ZNF354C: variants seen among roughly 807,000 people sequenced by gnomAD.
ZNF354C encodes the protein zinc finger protein 354C.
Under a neutral mutation model 12.4 loss-of-function variants are expected in ZNF354C, and 7 were observed. That is an observed-to-expected ratio of 0.56 (90% CI 0.32 to 1.06). ZNF354C has a LOEUF of 1.06. Ranked by LOEUF, ZNF354C falls within the 50% of genes least tolerant of loss-of-function variation. ZNF354C has a pLI of 0.04. For missense variants in ZNF354C, 609 were observed against 658.0 expected, an observed-to-expected ratio of 0.93 and a Z score of 0.81; for synonymous variants, 202 against 224.5, an observed-to-expected ratio of 0.90 and a Z score of 0.90.
Position 179,078,723 on chromosome 5 carries a change from A to G in ZNF354C, c.291A>G (p.Arg97=), listed in dbSNP as rs1241544427. 6.2e-7 allele frequency: 1 copy of G among 1,611,314 alleles called. No homozygotes were observed. Among genetic ancestry groups the G allele is most frequent in the African/African-American group, 1.3e-5 (1 of 74,770 alleles). The change falls in exon 5 of 5, where the codon AGA becomes AGG. Residue 97 remains arginine, a synonymous_variant. Transcript: ENST00000315475. Reference sequence around the variant, plus strand: ...TTGAAACAGAAGCATTGCCTCATAGACAGGACATTTTTATAGAAGAAACAT... The same window carrying G: ...TTGAAACAGAAGCATTGCCTCATAGGCAGGACATTTTTATAGAAGAAACAT... ...TWLETEALPH[R]QDIFIEETSQ...
chr5:179,078,097 G>A (rs537844562), intron 4 of ZNF354C, among the ~76,000 whole-genome samples: 8 of 152,120 alleles, frequency 5.3e-5, no homozygotes, highest in South Asian at 2.1e-4. Flanking sequence ...CACCGCGCCC[G>A]GCCTGTCTTC....
chr5:179,060,715 CGTT>C lies in ZNF354C; in HGVS notation c.-55+53_-55+55del, dbSNP rs1424670530. On this transcript the variant is annotated intron_variant, in intron 1 of 4. Transcript: ENST00000315475. The surrounding 1 kb of genome is among the most constrained non-coding windows in gnomAD (Gnocchi z 4.2). Reference sequence around the variant, plus strand: ...TGGGGTGGGGATGCCAGCCTTTTGTCGTTGTTCATTCTGCGATTTTCTTCTGTG... The same window carrying C: ...TGGGGTGGGGATGCCAGCCTTTTGTCGTTCATTCTGCGATTTTCTTCTGTG... 2.0e-5 allele frequency: 3 copies of C among 152,352 alleles called. No homozygotes were observed. The East Asian group carries it at 5.8e-4, about 29-fold the overall frequency. The allele number at this position is 152,352 out of a possible 1,614,324, so 9.4% of individuals were successfully genotyped here. A position where few individuals can be genotyped will look rare whatever the true frequency, so the allele number is the denominator to read the frequency against.
rs1453810727 is a variant in ZNF354C at position 179,082,535 on chromosome 5, G to C, written c.*2438G>C. On this transcript the variant is annotated 3_prime_UTR_variant, in exon 5 of 5. Coordinates refer to ENST00000315475, the MANE Select transcript of ZNF354C (RefSeq NM_014594.3). ...TTTTTAAACATAACACGAGGAAGCT[G>C]TTAAAACTGGTGTAATAGCTCAAAA... 7 of 701,834 alleles carry C rather than the reference G, an allele frequency of 1.0e-5. No individual in the cohort carries two copies. In the Admixed American group the frequency reaches 1.1e-4, roughly 11 times the overall value. The allele number at this position is 701,834 out of a possible 1,614,324, so 43.5% of individuals were successfully genotyped here.
chr5:179,066,990 A>C (rs1761965535), intron 2 of ZNF354C, among the ~76,000 whole-genome samples: 1 of 152,240 alleles, frequency 6.6e-6, no homozygotes, highest in Non-Finnish European at 1.5e-5. Flanking sequence ...TTGTAATTTT[A>C]AATGATCAAG....
Position 179,079,244 on chromosome 5 carries a change from C to A in ZNF354C, c.812C>A (p.Pro271His). 6.2e-7 allele frequency: 1 copy of A among 1,613,918 alleles called. No individual in the cohort carries two copies. Among genetic ancestry groups the A allele is most frequent in the Non-Finnish European group, 8.5e-7 (1 of 1,179,974 alleles). ...SHQRIHTGEK[P>H]YKCNECEKAF... ...CAGAGAATTCATACTGGAGAGAAAC[C>A]TTACAAGTGTAATGAATGTGAGAAG... The change falls in exon 5 of 5, where the codon CCT becomes CAT. Residue 271 changes from proline to histidine, a missense_variant. Physicochemically the swap from Pro to His is moderately conservative, Grantham distance 77. Transcript: ENST00000315475. This position sits in a 1 kb window ranked among gnomAD's most constrained non-coding sequence, Gnocchi z 4.2.
chr5:179,066,113 C>G (rs1323247165), intron 2 of ZNF354C, among the ~76,000 whole-genome samples: 1 of 152,180 alleles, frequency 6.6e-6, no homozygotes, highest in Non-Finnish European at 1.5e-5. Context: ...TTCAAACATT[C>G]ATTTATATCA....
At chr5:179,064,096 A>C (rs538050998) in intron 2 of ZNF354C, among the ~76,000 whole-genome samples, 1 of 152,244 alleles carries the variant, frequency 6.6e-6, no homozygotes, top group Admixed American at 6.5e-5. Context: ...GCTCGCCTAC[A>C]TCCACAGCAG....
At chr5:179,069,104 T>G (rs1489352249) in intron 2 of ZNF354C, among the ~76,000 whole-genome samples, 1 of 152,224 alleles carries the variant, frequency 6.6e-6, no homozygotes, top group Non-Finnish European at 1.5e-5. Context: ...GAAGGCCCCC[T>G]GCAGCTGTCT....
At chr5:179,076,974 C>T in intron 3 of ZNF354C, 97 bp from the exon 4 acceptor site, 2 of 1,058,968 alleles carry the variant, frequency 1.9e-6, no homozygotes, top group Non-Finnish European at 2.9e-6. Flanking sequence ...TCAGGGCTTG[C>T]CTTCTTTGCT....
At chr5:179,076,325 A>G in intron 2 of ZNF354C, 120 bp from the exon 3 acceptor site, 1 of 1,460,492 alleles carries the variant, frequency 6.8e-7, no homozygotes, top group South Asian at 1.3e-5. Flanking sequence ...AATTACGTAA[A>G]CAGTTGACGT....
exon 5 of ZNF354C, among the ~76,000 whole-genome samples, chr5:179,083,969 ACCTGGAGGTGATGTATC>A (rs1762261538): frequency 6.6e-6 from 1 of 152,032 alleles, no homozygotes; most frequent in East Asian, 1.9e-4. Flanking sequence ...TGCTACTTGG[ACCTGGAGGTGATGTATC>A]CATGAGGTGT....
Position 179,083,532 on chromosome 5 carries a change from AAAG to A in ZNF354C, c.*3439_*3441del, listed in dbSNP as rs33940900. On this transcript the variant is annotated 3_prime_UTR_variant, in exon 5 of 5. Coordinates refer to ENST00000315475, the MANE Select transcript of ZNF354C (RefSeq NM_014594.3). ...ATAAAAATGCAAAAAGTGATTGGAT[AAAG>A]AAGTGATGAATATTAATCTTTCAAT... 107,489 of 151,730 alleles carry A rather than the reference AAAG, an allele frequency of 0.71. 38,267 individuals carry two copies. Among genetic ancestry groups the A allele is most frequent in the East Asian group, 0.89 (4,573 of 5,152 alleles). The allele number at this position is 151,730 out of a possible 1,614,324, so 9.4% of individuals were successfully genotyped here.
chr5:179,068,796 A>G, intron 2 of ZNF354C, among the ~76,000 whole-genome samples: 1 of 152,164 alleles, frequency 6.6e-6, no homozygotes, highest in Admixed American at 6.5e-5. Flanking sequence ...AACCATGGAA[A>G]TGTGTGTTCT....
intron 2 of ZNF354C, among the ~76,000 whole-genome samples, chr5:179,064,568 C>T (rs1010324787): frequency 6.6e-6 from 1 of 151,914 alleles, no homozygotes; most frequent in African/African-American, 2.4e-5. Flanking sequence ...AGGCGCCCAC[C>T]ACCACACTGG....
rs1761882845 is a variant in ZNF354C at position 179,060,963 on chromosome 5, A to G, written c.-55+297A>G. Among the ~76,000 whole-genome samples, 1 of 152,222 alleles carries G rather than the reference A, an allele frequency of 6.6e-6. No individual in the cohort carries two copies. The highest frequency in any genetic ancestry group is 1.5e-5 in the Non-Finnish European group (1 of 68,044). The stretch of plus-strand genomic sequence containing the variant: ...GTAACTGGGGCCTGGGGCTAGGATC[A>G]GGATTGCCTTCCCGGCCCTTATGAC... On this transcript the variant is annotated intron_variant, in intron 1 of 4. Coordinates refer to ENST00000315475, the MANE Select transcript of ZNF354C (RefSeq NM_014594.3). This position sits in a 1 kb window ranked among gnomAD's most constrained non-coding sequence, Gnocchi z 4.2.
At chr5:179,075,808 G>A (rs533798152) in intron 2 of ZNF354C, among the ~76,000 whole-genome samples, 2 of 152,326 alleles carry the variant, frequency 1.3e-5, no homozygotes, top group South Asian at 2.1e-4. Flanking sequence ...TGGAATAAAT[G>A]TACTGAAATT....
In ZNF354C at chr5:179,082,764, C is replaced by T. The variant is rs543036396; in HGVS notation, c.*2667C>T. ...CCTTGGCTGACGAAGAGCCATTAGG[C>T]GAGGATCACTGGCATCATCCAGGGT... is the stretch of plus-strand genomic sequence containing the variant. On this transcript the variant is annotated 3_prime_UTR_variant, in exon 5 of 5. Coordinates refer to ENST00000315475, the MANE Select transcript of ZNF354C (RefSeq NM_014594.3). The T allele has an allele frequency of 1.7e-5, 23 of 1,382,856 alleles. No homozygotes were observed. The highest frequency in any genetic ancestry group is 3.4e-5 in the Admixed American group (2 of 59,556). The allele number at this position is 1,382,856 out of a possible 1,614,324, so 85.7% of individuals were successfully genotyped here. A position where few individuals can be genotyped will look rare whatever the true frequency, so the allele number is the denominator to read the frequency against.
intron 2 of ZNF354C, among the ~76,000 whole-genome samples, chr5:179,068,661 A>G (rs1761992516): frequency 6.6e-6 from 1 of 150,486 alleles, no homozygotes; most frequent in Non-Finnish European, 1.5e-5. Flanking sequence ...TCTAAGGCCT[A>G]GGGGAACGGG....
intron 2 of ZNF354C, among the ~76,000 whole-genome samples, chr5:179,068,624 CTTTTTTT>C (rs60825556): frequency 3.3e-4 from 46 of 140,442 alleles, no homozygotes; most frequent in Admixed American, 4.9e-4. Flanking sequence ...AAAAAGAATG[CTTTTTTT>C]TTTTTTTTCC....
Sources: gnomAD v4.1 joint callset for allele counts (sites outside exome capture counted in the v4.1 genomes callset) on GRCh38, gnomAD v4.1.1 for gene constraint, Gnocchi (gnomAD v3.1) non-coding constraint, MANE v1.5 for transcripts, NCBI Gene and HGNC (gene_info 2026-07-23, HGNC 2026-07-21) for gene names.